The following TLE4 variants were observed in gnomAD, a reference collection of about 807,000 sequenced individuals.
The protein encoded by TLE4 is TLE family member 4, transcriptional corepressor.
In TLE4, 8 loss-of-function variants were observed where a neutral mutation model predicts 92.8. The ratio of observed to expected loss-of-function variants is 0.09; its 90% CI spans 0.05 to 0.16. The LOEUF (loss-of-function observed/expected upper bound fraction) is 0.16, where lower values mean the gene tolerates loss of function less well. TLE4 is among the 10% of genes least tolerant of loss of function. The pLI is 1.00. For synonymous variants in TLE4, 371 were observed against 374.1 expected (o/e 0.99, Z 0.10); for missense variants, 675 against 997.6 (o/e 0.68, Z 4.36).
chr9:79,573,127 G>T (rs1412458186), intron 1 of TLE4: 11 of 645,188 alleles, frequency 1.7e-5, no homozygotes, highest in East Asian at 1.3e-4. Context: ...CCTCGAGGGG[G>T]GGTGGCGAGC....
In TLE4 at chr9:79,631,616, ATGTGTG is replaced by A. The variant is rs57129541; in HGVS notation, c.390+4210_390+4215del. ...TCCTTGTCATATGATTGAACCTTAA[ATGTGTG>A]TGTGTGTGTGTGTGTGTGTGTGTGT... On this transcript the variant is annotated intron_variant, in intron 6 of 19. Coordinates refer to ENST00000376552, the MANE Select transcript of TLE4 (RefSeq NM_007005.6). Among the ~76,000 whole-genome samples, 711 of 118,224 alleles carry A rather than the reference ATGTGTG, an allele frequency of 6.0e-3. 7 individuals carry two copies. The highest frequency in any genetic ancestry group is 8.4e-3 in the African/African-American group (273 of 32,526). The allele number at this position is 118,224 out of a possible 152,430, so 77.6% of individuals were successfully genotyped here.
intron 4 of TLE4, among the ~76,000 whole-genome samples, chr9:79,599,853 G>C (rs1281593550): frequency 6.6e-6 from 1 of 152,054 alleles, no homozygotes; most frequent in East Asian, 1.9e-4. Flanking sequence ...CTGCCCCAGG[G>C]CTCTCTCTTA....
chr9:79,631,721 GTCTCT>G lies in TLE4; in HGVS notation c.390+4277_390+4281del, dbSNP rs565067608. On this transcript the variant is annotated intron_variant, in intron 6 of 19. Transcript: ENST00000376552. Reference sequence around the variant, plus strand: ...GCAGTATGACTGTTTAAAAATGTATGTCTCTTCTTTTCCGTTATAGATTTCAAAAC... The same window carrying G: ...GCAGTATGACTGTTTAAAAATGTATGTCTTTTCCGTTATAGATTTCAAAAC... 1.7e-3 allele frequency among the ~76,000 whole-genome samples: 252 copies of G among 147,760 alleles called. 1 individual carries two copies. Among genetic ancestry groups the G allele is most frequent in the Non-Finnish European group, 2.7e-3 (179 of 67,280 alleles).
intron 15 of TLE4, 72 bp downstream of exon 15, chr9:79,719,043 T>G: frequency 6.5e-7 from 1 of 1,546,150 alleles, no homozygotes. Flanking sequence ...GAGAACTGTA[T>G]GTATGAGCAA....
intron 8 of TLE4, chr9:79,668,889 A>G (rs944338581): frequency 6.4e-6 from 6 of 932,410 alleles, no homozygotes; most frequent in South Asian, 4.9e-5. Context: ...CATGTCAACA[A>G]TGTAGCTGCA....
At chr9:79,670,668 G>A (rs1328196242) in intron 8 of TLE4, among the ~76,000 whole-genome samples, 1 of 152,168 alleles carries the variant, frequency 6.6e-6, no homozygotes, top group Non-Finnish European at 1.5e-5. Flanking sequence ...TTCTGTGCAT[G>A]TGGCATGCTA....
At chr9:79,605,165 C>A (rs1473027879) in intron 4 of TLE4, among the ~76,000 whole-genome samples, 1 of 152,070 alleles carries the variant, frequency 6.6e-6, no homozygotes, top group African/African-American at 2.4e-5. Flanking sequence ...GGTTCTCTGA[C>A]CGGTTCCACC....
chr9:79,721,849 C>T lies in TLE4; in HGVS notation c.1947C>T (p.Arg649=), dbSNP rs61746466. The T allele has an allele frequency of 9.2e-3, 14,851 of 1,613,672 alleles. 87 individuals are homozygous for T. The highest frequency in any genetic ancestry group is 0.014 in the Middle Eastern group (86 of 6,060). The change falls in exon 17 of 20, where the codon CGC becomes CGT. Residue 649 remains arginine, a synonymous_variant. Transcript: ENST00000376552. ...ACACGGTCAGGTCCTGGGACCTGCG[C>T]GAGGGGCGGCAGCTGCAGCAGCACG... ...LDNTVRSWDL[R]EGRQLQQHDF...
intron 4 of TLE4, among the ~76,000 whole-genome samples, chr9:79,608,000 A>G (rs2047490073): frequency 6.6e-6 from 1 of 151,968 alleles, no homozygotes; most frequent in Non-Finnish European, 1.5e-5. Context: ...TTCTAAATAT[A>G]CAATCATGTC....
chr9:79,586,879 C>T (rs539250083), intron 4 of TLE4, among the ~76,000 whole-genome samples: 18 of 152,040 alleles, frequency 1.2e-4, no homozygotes, highest in African/African-American at 3.9e-4. Context: ...ATTTTGATAC[C>T]GGCATATAGC....
chr9:79,582,833 A>G (rs1046692384), intron 4 of TLE4, among the ~76,000 whole-genome samples: 3 of 152,116 alleles, frequency 2.0e-5, no homozygotes, highest in African/African-American at 4.8e-5. Context: ...CAGTGGTCCT[A>G]TACTAGCTAA....
intron 10 of TLE4, among the ~76,000 whole-genome samples, chr9:79,706,382 T>C (rs2135927608): frequency 6.6e-6 from 1 of 152,072 alleles, no homozygotes; most frequent in East Asian, 1.9e-4. Context: ...TGATTTTATA[T>C]GTTATTGATC....
chr9:79,647,664 A>G (rs1241105216), intron 6 of TLE4, among the ~76,000 whole-genome samples: 2 of 152,178 alleles, frequency 1.3e-5, no homozygotes, highest in African/African-American at 4.8e-5. Flanking sequence ...CTGTTTGCAT[A>G]CCTACTAAGT....
At chr9:79,720,423 T>TAAA in intron 16 of TLE4, 130 bp downstream of exon 16, 13 of 927,604 alleles carry the variant, frequency 1.4e-5, no homozygotes, top group South Asian at 1.1e-4. Flanking sequence ...TGTGTGTGTG[T>TAAA]GTAAAGTGAT....
intron 14 of TLE4, among the ~76,000 whole-genome samples, chr9:79,710,866 GCAGTCTC>G (rs1420360410): frequency 6.6e-6 from 1 of 152,118 alleles, no homozygotes; most frequent in Non-Finnish European, 1.5e-5. Flanking sequence ...AGTTATAGAA[GCAGTCTC>G]ACTGCCTAGA....
At chr9:79,663,391 G>A (rs768214400) in intron 8 of TLE4, 1 of 152,142 alleles carries the variant, frequency 6.6e-6, no homozygotes, top group South Asian at 2.1e-4. Flanking sequence ...AGTTATATTA[G>A]CCACATATCG....
At chr9:79,655,650 C>A (rs1407593795) in intron 8 of TLE4, among the ~76,000 whole-genome samples, 1 of 152,156 alleles carries the variant, frequency 6.6e-6, no homozygotes, top group Admixed American at 6.5e-5. Context: ...AGTACTTAGA[C>A]TAAAAAAGCA....
intron 6 of TLE4, among the ~76,000 whole-genome samples, chr9:79,637,327 A>G (rs1329776979): frequency 2.0e-5 from 3 of 152,210 alleles, no homozygotes; most frequent in Non-Finnish European, 2.9e-5. Flanking sequence ...AGCTTTACAA[A>G]TAATGAAACC....
intron 4 of TLE4, among the ~76,000 whole-genome samples, chr9:79,578,503 A>G (rs2038645911): frequency 6.6e-6 from 1 of 152,214 alleles, no homozygotes; most frequent in African/African-American, 2.4e-5. Context: ...TCTGTGACTT[A>G]GCAAACTGAT....
Sources: gnomAD v4.1 joint callset for allele counts (sites outside exome capture counted in the v4.1 genomes callset) on GRCh38, gnomAD v4.1.1 for gene constraint, MANE v1.5 for transcripts, NCBI Gene and HGNC (gene_info 2026-07-23, HGNC 2026-07-21) for gene names.